ZNF768: variants seen among roughly 807,000 people sequenced by gnomAD.
The protein encoded by ZNF768 is zinc finger protein 768.
A neutral mutation model predicts 39.7 loss-of-function variants in ZNF768; 12 were observed. The ratio of observed to expected loss-of-function variants is 0.30; its 90% CI spans 0.19 to 0.49. The LOEUF (loss-of-function observed/expected upper bound fraction) is 0.49. Among genes scored for constraint, ZNF768 ranks in the 20% least tolerant of loss-of-function variants. ZNF768 has a pLI of 0.99. For synonymous variants in ZNF768, 360 were observed against 288.4 expected (o/e 1.25, Z -2.52); for missense variants, 613 against 723.2 (o/e 0.85, Z 1.75).
Position 30,526,501 on chromosome 16 carries a change from T to C in ZNF768, c.-88A>G. ...TTGCCCCGAGCCGCGGGCCCCCGCC[T>C]CCCGCCCGCTCAGCGCCGCCCAGGG... On this transcript the variant is annotated 5_prime_UTR_variant, in exon 1 of 2. Coordinates refer to ENST00000380412, the MANE Select transcript of ZNF768 (RefSeq NM_024671.4). 8.2e-7 allele frequency: 1 copy of C among 1,225,094 alleles called. No individual in the cohort carries two copies. Among genetic ancestry groups the C allele is most frequent in the Non-Finnish European group, 1.0e-6 (1 of 982,806 alleles). The allele number at this position is 1,225,094 out of a possible 1,614,324, so 75.9% of individuals were successfully genotyped here.
In ZNF768 at chr16:30,524,866, C is replaced by G. The variant is rs1285789087; in HGVS notation, c.1274G>C (p.Arg425Pro). 3 of 1,611,064 alleles carry G rather than the reference C, an allele frequency of 1.9e-6. No homozygotes were observed. The South Asian group carries it at 3.3e-5, about 18-fold the overall frequency. Residue 425 changes from arginine to proline, a missense_variant, in exon 2 of 2, where the codon CGG becomes CCG. This residue lies in a region of ZNF768 where 204 missense variants were observed against 281.7 expected (regional missense o/e 0.72). Coordinates refer to ENST00000380412, the MANE Select transcript of ZNF768 (RefSeq NM_024671.4). Reference protein sequence around the residue: ...ALIPHARSHAREKPFKCPECG... With the variant: ...ALIPHARSHAPEKPFKCPECG... ...CTCAGGGCACTTGAAGGGCTTCTCC[C>G]GGGCGTGGCTGCGGGCATGGGGGAT...
chr16:30,529,577 G>T (rs1282703046), upstream of ZNF768, among the ~76,000 whole-genome samples: 1 of 152,192 alleles, frequency 6.6e-6, no homozygotes, highest in African/African-American at 2.4e-5. Context: ...ATGATCCTAA[G>T]TACCCAGGAA....
chr16:30,525,071 T>G lies in ZNF768; in HGVS notation c.1069A>C (p.Ser357Arg). The change falls in exon 2 of 2, where the codon AGC becomes CGC. Residue 357 changes from serine to arginine, a missense_variant. Physicochemically the swap from Ser to Arg is moderately radical, Grantham distance 110 (BLOSUM62 -1). This residue lies in a region of ZNF768 where 204 missense variants were observed against 281.7 expected (regional missense o/e 0.72). Transcript: ENST00000380412. ...CPHCGKAFGD[S>R]SYLLRHQRTH... ...CGCTGGTGTCGCAGGAGGTAGGAGC[T>G]GTCGCCGAAGGCCTTGCCACAATGT... 6.2e-7 allele frequency: 1 copy of G among 1,614,096 alleles called. No homozygotes were observed. Among genetic ancestry groups the G allele is most frequent in the Non-Finnish European group, 8.5e-7 (1 of 1,179,982 alleles).
At chr16:30,526,930 G>C (rs370676071), upstream of ZNF768, 2 of 985,562 alleles carry the variant, frequency 2.0e-6, no homozygotes, top group East Asian at 1.1e-4. Flanking sequence ...GCCCGGCCAC[G>C]GGGTGGGTGA....
Position 30,526,238 on chromosome 16 carries a change from C to T in ZNF768, c.88+88G>A, listed in dbSNP as rs1279707141. On this transcript the variant is annotated intron_variant, in intron 1 of 1. Coordinates refer to ENST00000380412, the MANE Select transcript of ZNF768 (RefSeq NM_024671.4). Reference sequence around the variant, plus strand: ...GCCCCTCCTTCGAGTCCCAGGTGTCCCAGCCCCGGGCCCTCGCTCCCTCCC... The same window carrying T: ...GCCCCTCCTTCGAGTCCCAGGTGTCTCAGCCCCGGGCCCTCGCTCCCTCCC... 5 of 1,577,978 alleles carry T rather than the reference C, an allele frequency of 3.2e-6. No individual in the cohort carries two copies. In the East Asian group the frequency reaches 9.6e-5, roughly 30 times the overall value.
At position 30,525,448 on chromosome 16, in the gene ZNF768, A is replaced by C. The variant is rs2051312738; in HGVS notation, c.692T>G (p.Met231Arg). 1 of 1,614,030 alleles carries C rather than the reference A, an allele frequency of 6.2e-7. No individual in the cohort carries two copies. The highest frequency in any genetic ancestry group is 1.3e-5 in the African/African-American group (1 of 74,950). ...TGTGAGACCCAGGGGATTCTGAAGC[A>C]TCTCAAACTGCGGTGTAGACAGCAG... is the stretch of plus-strand genomic sequence containing the variant. ...GALLSTPQFE[M>R]LQNPLGLTGA... The change falls in exon 2 of 2, where the codon ATG (methionine) becomes AGG (arginine). Residue 231 changes from methionine (M) to arginine (R), a missense_variant. Physicochemically the swap from Met to Arg is moderately conservative, Grantham distance 91 (BLOSUM62 -1). Coordinates refer to ENST00000380412, the MANE Select transcript of ZNF768 (RefSeq NM_024671.4).
intron 1 of ZNF768, 64 bp downstream of exon 1, chr16:30,526,262 C>G (rs968117626): frequency 6.3e-7 from 1 of 1,599,534 alleles, no homozygotes; most frequent in Non-Finnish European, 8.5e-7. Flanking sequence ...TCGCTCCCTC[C>G]CTGGAGCCAC....
chr16:30,527,021 C>T, upstream of ZNF768: 1 of 985,420 alleles, frequency 1.0e-6, no homozygotes, highest in Non-Finnish European at 1.2e-6. Flanking sequence ...TCCAGAGGCC[C>T]GTCTGTCCAT....
Position 30,524,996 on chromosome 16 carries a change from A to G in ZNF768, c.1144T>C (p.Tyr382His). The change falls in exon 2 of 2, where the codon TAT (tyrosine) becomes CAT (histidine). Residue 382 changes from tyrosine to histidine, a missense_variant. Transcript: ENST00000380412. ...PYSCTECGKC[Y>H]SQNSSLRSHQ... ...CTGCGCAGGGACGAGTTCTGGCTAT[A>G]GCACTTGCCGCACTCGGTGCAGCTG... The G allele has an allele frequency of 6.2e-7, 1 of 1,613,824 alleles. No individual in the cohort carries two copies. Among genetic ancestry groups the G allele is most frequent in the Non-Finnish European group, 8.5e-7 (1 of 1,179,956 alleles).
Position 30,524,616 on chromosome 16 carries a change from A to T in ZNF768, c.1524T>A (p.Ser508Arg), listed in dbSNP as rs1200702523. 1 of 1,612,716 alleles carries T rather than the reference A, an allele frequency of 6.2e-7. No individual in the cohort carries two copies. The change falls in exon 2 of 2, where the codon AGT becomes AGA. Residue 508 changes from serine (S) to arginine (R), a missense_variant. Physicochemically the swap from Ser to Arg is moderately radical, Grantham distance 110. Coordinates refer to ENST00000380412, the MANE Select transcript of ZNF768 (RefSeq NM_024671.4). ...CATCGCACTTGTAAGGCCGCTCGCC[A>T]CTGTGGACCCGGTGATGCTGCAGAA... ...STLLQHHRVH[S>R]GERPYKCDDC...
upstream of ZNF768, among the ~76,000 whole-genome samples, chr16:30,529,826 T>A (rs1341631519): frequency 6.7e-6 from 1 of 149,372 alleles, no homozygotes; most frequent in African/African-American, 2.5e-5. Context: ...AGCTAGTTTT[T>A]TTTTTTTTTT....
In ZNF768 at chr16:30,525,738, C is replaced by G. The variant is rs200485754; in HGVS notation, c.402G>C (p.Gly134=). The change falls in exon 2 of 2, where the codon GGG becomes GGC. Residue 134 remains glycine (G), a synonymous_variant. Coordinates refer to ENST00000380412, the MANE Select transcript of ZNF768 (RefSeq NM_024671.4). ...QSPGYEPRSP[G]YEPRSPGYES... The stretch of plus-strand genomic sequence containing the variant: ...CATAGCCAGGGCTCCGGGGTTCATA[C>G]CCGGGGCTCCGAGGTTCATAGCCAG... 1 of 1,607,754 alleles carries G rather than the reference C, an allele frequency of 6.2e-7. No individual in the cohort carries two copies. The highest frequency in any genetic ancestry group is 8.5e-7 in the Non-Finnish European group (1 of 1,177,430).
At chr16:30,531,050 A>G (rs1254372266), upstream of ZNF768, 1 of 152,306 alleles carries the variant, frequency 6.6e-6, no homozygotes, top group African/African-American at 2.4e-5. Context: ...ATGATGGCAC[A>G]TACTTAAAGA....
Position 30,526,316 on chromosome 16 carries a change from C to T in ZNF768, c.88+10G>A, listed in dbSNP as rs1202878368. The T allele has an allele frequency of 6.2e-7, 1 of 1,608,466 alleles. No individual in the cohort carries two copies. ...CAAGTCCACTCCTCGGACGGGCGCT[C>T]CCTCCTCACCTCTGAGGTACCCTTC... On this transcript the variant is annotated intron_variant, in intron 1 of 1. Transcript: ENST00000380412.
In ZNF768 at chr16:30,525,033, G is replaced by T. The variant is rs758969203; in HGVS notation, c.1107C>A (p.His369Gln). The change falls in exon 2 of 2, where the codon CAC becomes CAA. Residue 369 changes from histidine (H) to glutamine (Q), a missense_variant. Transcript: ENST00000380412. ...ACTCGGTGCAGCTGTAGGGCCGCTC[G>T]TGGCTGTGGGTGCGCTGGTGTCGCA... ...YLLRHQRTHS[H>Q]ERPYSCTECG... 6.2e-7 allele frequency: 1 copy of T among 1,614,048 alleles called. No individual in the cohort carries two copies. Among genetic ancestry groups the T allele is most frequent in the East Asian group, 2.2e-5 (1 of 44,890 alleles).
In ZNF768 at chr16:30,525,056, G is replaced by T. The variant is rs1415079955; in HGVS notation, c.1084C>A (p.Arg362=). The change falls in exon 2 of 2, where the codon CGA becomes AGA. Residue 362 remains arginine, a synonymous_variant. Transcript: ENST00000380412. ...TCGTGGCTGTGGGTGCGCTGGTGTC[G>T]CAGGAGGTAGGAGCTGTCGCCGAAG... The part of the protein sequence containing the change: ...KAFGDSSYLL[R]HQRTHSHERP... 1 of 1,612,970 alleles carries T rather than the reference G, an allele frequency of 6.2e-7. No individual in the cohort carries two copies. The highest frequency in any genetic ancestry group is 8.5e-7 in the Non-Finnish European group (1 of 1,179,732).
chr16:30,525,829 C>G lies in ZNF768; in HGVS notation c.311G>C (p.Ser104Thr). The G allele has an allele frequency of 7.2e-6, 11 of 1,534,584 alleles. No individual in the cohort carries two copies. Among genetic ancestry groups the G allele is most frequent in the Non-Finnish European group, 9.6e-6 (11 of 1,145,928 alleles). ...VPPSPEFAPR[S>T]PESDSQSPEF... ...AGGGCTCTGAGAATCTGATTCAGGG[C>G]TTCTGGGTGCAAACTCAGGGCTTGG... is the stretch of plus-strand genomic sequence containing the variant. The change falls in exon 2 of 2, where the codon AGC becomes ACC. Residue 104 changes from serine to threonine, a missense_variant. This residue lies in a region of ZNF768 where 347 missense variants were observed against 326.1 expected (regional missense o/e 1.06). Transcript: ENST00000380412.
upstream of ZNF768, chr16:30,527,133 G>C: frequency 3.0e-6 from 3 of 985,370 alleles, no homozygotes; most frequent in Non-Finnish European, 3.6e-6. Flanking sequence ...CAGCGGGGGC[G>C]GTGTCTCGCT....
At chr16:30,529,637 T>A (rs570572435), upstream of ZNF768, among the ~76,000 whole-genome samples, 103 of 151,886 alleles carry the variant, frequency 6.8e-4, no homozygotes, top group African/African-American at 2.4e-3. Context: ...GAAATGGAGG[T>A]CTTTGTGTAT....
Sources: gnomAD v4.1 joint callset for allele counts (sites outside exome capture counted in the v4.1 genomes callset) on GRCh38, gnomAD v4.1.1 for gene constraint, gnomAD v4.1.1 regional missense constraint, MANE v1.5 for transcripts, NCBI Gene and HGNC (gene_info 2026-07-23, HGNC 2026-07-21) for gene names.